Variants in HECTD4 observed in about 807,000 individuals in gnomAD.
HECTD4 encodes probable E3 ubiquitin-protein ligase HECTD4.
Under a neutral mutation model 471.5 loss-of-function variants are expected in HECTD4, and 114 were observed. The ratio of observed to expected loss-of-function variants is 0.24; its 90% CI spans 0.21 to 0.28. The LOEUF is 0.28. Among genes scored for constraint, HECTD4 ranks in the 10% least tolerant of loss-of-function variants. HECTD4 has a pLI of 1.00. For missense variants in HECTD4, 3,866 were observed against 5,651.5 expected (o/e 0.68, Z 10.13); for synonymous variants, 2,012 against 2,256.0 (o/e 0.89, Z 3.07).
At position 112,185,090 on chromosome 12, in the gene HECTD4, G is replaced by T; in HGVS notation, c.9876C>A (p.Ser3292=). Residue 3292 remains serine (S), a synonymous_variant, in exon 61 of 76, where the codon TCC becomes TCA. Transcript: ENST00000682272. Reference sequence around the variant, plus strand: ...GTCCTGGGGAGGACGAGGAGGAGGAGGACGAGTCACTGAGATTTGGGGCGG... The same window carrying T: ...GTCCTGGGGAGGACGAGGAGGAGGATGACGAGTCACTGAGATTTGGGGCGG... ...SATAPNLSDS[S]SSSSSSPGQT... is the part of the protein sequence containing the mutation. The T allele has an allele frequency of 7.6e-6, 12 of 1,574,250 alleles. No homozygotes were observed. Among genetic ancestry groups the T allele is most frequent in the Non-Finnish European group, 1.0e-5 (12 of 1,159,306 alleles).
rs920518255 is a variant in HECTD4, at chr12:112,203,751, G to A, written c.8291C>T (p.Ser2764Phe). 2.5e-6 allele frequency: 4 copies of A among 1,611,762 alleles called. No individual in the cohort carries two copies. In the African/African-American group the frequency reaches 4.0e-5, roughly 16 times the overall value. ...GCTGGCTACATTATTGCTGTCTGGA[G>A]AGCGGGTTACTACTGTGAGACCTGA... is the stretch of plus-strand genomic sequence containing the variant. Reference protein sequence around the residue: ...VRKGLTVVTRSPDSNNVASSA... With the variant: ...VRKGLTVVTRFPDSNNVASSA... The change falls in exon 54 of 76, where the codon TCT becomes TTT. Residue 2764 changes from serine to phenylalanine, a missense_variant. Transcript: ENST00000682272.
intron 59 of HECTD4, among the ~76,000 whole-genome samples, chr12:112,192,086 G>A (rs919446237): frequency 3.9e-5 from 6 of 152,178 alleles, no homozygotes; most frequent in South Asian, 2.1e-4. Flanking sequence ...ACTCTAAAAC[G>A]ATGGAGGCTT....
chr12:112,338,047 G>T (rs926876107), intron 1 of HECTD4, among the ~76,000 whole-genome samples: 3 of 152,180 alleles, frequency 2.0e-5, no homozygotes, highest in Admixed American at 2.0e-4. Context: ...AGTTCTGGAG[G>T]CTAGAAGTCT....
chr12:112,318,047 G>A (rs930580986), intron 2 of HECTD4, among the ~76,000 whole-genome samples: 1 of 151,850 alleles, frequency 6.6e-6, no homozygotes, highest in Non-Finnish European at 1.5e-5. Context: ...GGCTGAGGTG[G>A]GCGGATCACT....
rs375622219 is a variant in HECTD4 at position 112,207,963 on chromosome 12, G to C, written c.8042C>G (p.Thr2681Ser). The C allele has an allele frequency of 1.9e-6, 3 of 1,613,590 alleles. No individual in the cohort carries two copies. The highest frequency in any genetic ancestry group is 2.5e-6 in the Non-Finnish European group (3 of 1,179,802). ...TCTTCGGATGGTAGGAAAAACCTTG[G>C]TCTCCCATGCTTTCACCAGCAGGGC... ...HYALLVKAWE[T>S]KVFPTIRRRF... Residue 2681 changes from threonine (T) to serine (S), a missense_variant, in exon 52 of 76, where the codon ACC (threonine) becomes AGC (serine). By Grantham distance (58) the Thr-to-Ser change is moderately conservative. Around this residue, in one of 16 missense-constraint regions of HECTD4, gnomAD observed 266 missense variants for 441.6 expected, o/e 0.60. Coordinates refer to ENST00000682272, the MANE Select transcript of HECTD4 (RefSeq NM_001388303.1).
At chr12:112,285,127 C>G (rs1369284731) in intron 7 of HECTD4, among the ~76,000 whole-genome samples, 1 of 152,148 alleles carries the variant, frequency 6.6e-6, no homozygotes, top group Non-Finnish European at 1.5e-5. Flanking sequence ...CGTGAGCCAC[C>G]ATGCCCAGCC....
intron 1 of HECTD4, among the ~76,000 whole-genome samples, chr12:112,332,169 A>C (rs1202765125): frequency 6.6e-6 from 1 of 152,096 alleles, no homozygotes; most frequent in Non-Finnish European, 1.5e-5. Context: ...CACAAAGCAT[A>C]ATAAAGAACT....
intron 1 of HECTD4, among the ~76,000 whole-genome samples, chr12:112,374,657 A>T (rs919384273): frequency 6.6e-6 from 1 of 152,168 alleles, no homozygotes; most frequent in African/African-American, 2.4e-5. Flanking sequence ...CCAAATCTAG[A>T]ATTCTATAAA....
Position 112,378,860 on chromosome 12 carries a change from G to A in HECTD4, c.177+3092C>T, listed in dbSNP as rs552431601. ...AGATTGAGACCATCCTGGCTAACATGGTGAAACCCCGTCTCTACTAAAAAT... is the reference window on the plus strand; with the variant it reads ...AGATTGAGACCATCCTGGCTAACATAGTGAAACCCCGTCTCTACTAAAAAT... On this transcript the variant is annotated intron_variant, in intron 1 of 75. Transcript: ENST00000682272. 4.5e-3 allele frequency among the ~76,000 whole-genome samples: 680 copies of A among 152,188 alleles called. 3 individuals carry two copies. The highest frequency in any genetic ancestry group is 7.7e-3 in the Non-Finnish European group (521 of 68,002).
chr12:112,308,732 A>G (rs775536013), intron 6 of HECTD4, 21 bp downstream of exon 6: 2 of 1,521,142 alleles, frequency 1.3e-6, no homozygotes. Context: ...TGTTTTAAAA[A>G]TGCCTTGGTT....
intron 11 of HECTD4, among the ~76,000 whole-genome samples, chr12:112,273,283 TTCTA>T (rs1160521906): frequency 1.3e-5 from 2 of 152,208 alleles, no homozygotes; most frequent in African/African-American, 2.4e-5. Context: ...TCACTGGTAA[TTCTA>T]TCTAAGTTTG....
chr12:112,180,158 G>C (rs1216987587), intron 62 of HECTD4, among the ~76,000 whole-genome samples: 1 of 152,204 alleles, frequency 6.6e-6, no homozygotes, highest in African/African-American at 2.4e-5. Flanking sequence ...CCCAGCTGTG[G>C]CAACTCCAGC....
chr12:112,242,352 C>T (rs776882879), intron 32 of HECTD4, among the ~76,000 whole-genome samples: 3 of 152,128 alleles, frequency 2.0e-5, no homozygotes, highest in Non-Finnish European at 2.9e-5. Flanking sequence ...GTGGCTCATG[C>T]CTTTAATCCC....
Position 112,319,663 on chromosome 12 carries a change from T to C in HECTD4, c.257A>G (p.Tyr86Cys), listed in dbSNP as rs1189552428. The change falls in exon 2 of 76, where the codon TAT becomes TGT. Residue 86 changes from tyrosine (Y) to cysteine (C), a missense_variant. Coordinates refer to ENST00000682272, the MANE Select transcript of HECTD4 (RefSeq NM_001388303.1). The surrounding 1 kb of genome is among the most constrained non-coding windows in gnomAD (Gnocchi z 5.3). ...RSVCGNQSNA[Y>C]ARLLEYRLNA... ...CAGGCGGTATTCCAGCAGCCGGGCA[T>C]AGGCATTGCTCTGATTCCCACAAAC... 7.4e-7 allele frequency: 1 copy of C among 1,358,430 alleles called. No homozygotes were observed. The highest frequency in any genetic ancestry group is 9.4e-7 in the Non-Finnish European group (1 of 1,059,242). 84.1% of individuals were successfully genotyped at this position (1,358,430 alleles called of 1,614,324 possible). A position where few individuals can be genotyped will look rare whatever the true frequency, so the allele number is the denominator to read the frequency against.
chr12:112,298,110 A>G (rs1594022454), intron 7 of HECTD4, among the ~76,000 whole-genome samples: 1 of 152,212 alleles, frequency 6.6e-6, no homozygotes, highest in East Asian at 1.9e-4. Context: ...TCAAGAGAAA[A>G]TGGAAGGAGA....
In HECTD4 at chr12:112,193,682, C is replaced by A. The variant is rs138993374; in HGVS notation, c.8750-8G>T. 6.2e-7 allele frequency: 1 copy of A among 1,607,030 alleles called. No homozygotes were observed. The highest frequency in any genetic ancestry group is 1.7e-5 in the Admixed American group (1 of 58,906). On this transcript the variant is annotated splice_polypyrimidine_tract_variant and splice_region_variant and intron_variant, in intron 56 of 75. Transcript: ENST00000682272. This position sits in a 1 kb window ranked among gnomAD's most constrained non-coding sequence, Gnocchi z 5.2. ...TGGAGCTGATGGTGCCGTCTGGGGA[C>A]GGAAAGGAAACAGAAGTTGACAAGA... is the stretch of plus-strand genomic sequence containing the variant.
rs2031811966 is a variant in HECTD4, at chr12:112,185,078, C to T, written c.9888G>A (p.Ser3296=). The T allele has an allele frequency of 6.3e-7, 1 of 1,580,892 alleles. No individual in the cohort carries two copies. Among genetic ancestry groups the T allele is most frequent in the South Asian group, 1.2e-5 (1 of 86,858 alleles). Residue 3296 remains serine (S), a synonymous_variant, in exon 61 of 76, where the codon TCG becomes TCA. Transcript: ENST00000682272. ...PNLSDSSSSS[S]SSPGQTPQSP... Reference sequence around the variant, plus strand: ...TCTGTGGGGTCTGTCCTGGGGAGGACGAGGAGGAGGAGGACGAGTCACTGA... The same window carrying T: ...TCTGTGGGGTCTGTCCTGGGGAGGATGAGGAGGAGGAGGACGAGTCACTGA...
At chr12:112,295,794 A>G (rs914326058) in intron 7 of HECTD4, among the ~76,000 whole-genome samples, 9 of 149,662 alleles carry the variant, frequency 6.0e-5, no homozygotes, top group Admixed American at 1.3e-4. Flanking sequence ...GACATGCACC[A>G]TTAAATTAAA....
intron 1 of HECTD4, among the ~76,000 whole-genome samples, chr12:112,343,345 A>T (rs1466075370): frequency 1.3e-5 from 2 of 152,230 alleles, no homozygotes; most frequent in Non-Finnish European, 2.9e-5. Flanking sequence ...AATTAATTAA[A>T]CAGCAGGTTC....
Sources: allele counts gnomAD v4.1 joint callset (sites outside exome capture counted in the v4.1 genomes callset), GRCh38; gene constraint gnomAD v4.1.1; regional missense constraint gnomAD v4.1.1; non-coding constraint Gnocchi (gnomAD v3.1); transcripts MANE v1.5; gene names NCBI Gene and HGNC (gene_info 2026-07-23, HGNC 2026-07-21).